The following TTC7A variants were observed in gnomAD, a reference collection of about 807,000 sequenced individuals.
TTC7A encodes the protein tetratricopeptide repeat domain 7A.
TTC7A carries 110 observed loss-of-function variants against 103.7 expected under a neutral mutation model. That is an observed-to-expected ratio of 1.06 (90% CI 0.91 to 1.24). The LOEUF (loss-of-function observed/expected upper bound fraction) is 1.24. Among genes scored for constraint, TTC7A ranks in the 50% most tolerant of loss-of-function variants. TTC7A has a pLI of 0.00. For missense variants in TTC7A, 1,340 were observed against 1,116.3 expected (o/e 1.20, Z -2.86); for synonymous variants, 521 against 467.9 (o/e 1.11, Z -1.47).
Position 47,075,821 on chromosome 2 carries a change from G to A in TTC7A, c.*1898G>A, listed in dbSNP as rs898892626. The A allele has an allele frequency of 2.6e-5, 4 of 152,420 alleles. No homozygotes were observed. The highest frequency in any genetic ancestry group is 9.6e-5 in the African/African-American group (4 of 41,458). The allele number at this position is 152,420 out of a possible 1,614,324, so 9.4% of individuals were successfully genotyped here. On this transcript the variant is annotated 3_prime_UTR_variant, in exon 20 of 20. Coordinates refer to ENST00000319190, the MANE Select transcript of TTC7A (RefSeq NM_020458.4). The stretch of plus-strand genomic sequence containing the variant: ...GGTAGGAGGAGGCAAGAGGGGTCCA[G>A]GCAGGGCTGATCCTGGCCTCTGACC...
In TTC7A at chr2:46,997,659, T is replaced by C. The variant is rs1468891895; in HGVS notation, c.1065+2460T>C. 2.0e-5 allele frequency among the ~76,000 whole-genome samples: 3 copies of C among 152,164 alleles called. 1 individual carries two copies. Among genetic ancestry groups the C allele is most frequent in the Non-Finnish European group, 4.4e-5 (3 of 68,024 alleles). ...ACGCAGGGCTCCTGGACTTCCATCC[T>C]GGTACTTCCCTTGCCCACTGCTCTA... On this transcript the variant is annotated intron_variant, in intron 8 of 19. Coordinates refer to ENST00000319190, the MANE Select transcript of TTC7A (RefSeq NM_020458.4).
intron 8 of TTC7A, among the ~76,000 whole-genome samples, chr2:46,995,602 T>A (rs1166180939): frequency 6.6e-6 from 1 of 152,200 alleles, no homozygotes; most frequent in African/African-American, 2.4e-5. Context: ...AAGCATGGAA[T>A]CAGGTTCCAG....
upstream of TTC7A, among the ~76,000 whole-genome samples, chr2:46,938,271 GAC>G (rs1489746727): frequency 1.2e-4 from 19 of 152,206 alleles, no homozygotes; most frequent in East Asian, 7.7e-4. Context: ...AAACGTAAAG[GAC>G]AACCTTACAA....
rs1029733941 is a variant in TTC7A at position 47,073,913 on chromosome 2, G to C, written c.2567G>C (p.Arg856Thr). 1 of 1,611,602 alleles carries C rather than the reference G, an allele frequency of 6.2e-7. No homozygotes were observed. The highest frequency in any genetic ancestry group is 8.5e-7 in the Non-Finnish European group (1 of 1,179,324). Residue 856 changes from arginine to threonine, a missense_variant, in exon 20 of 20, where the codon AGA becomes ACA. Coordinates refer to ENST00000319190, the MANE Select transcript of TTC7A (RefSeq NM_020458.4). ...SPVLPFSIIP[R>T]EL is the part of the protein sequence containing the mutation. ...GTACTGCCCTTCTCCATCATCCCCA[G>C]AGAGCTCTGACGACGCTGCAGCCGC...
chr2:47,010,528 G>A (rs7570810), intron 10 of TTC7A, among the ~76,000 whole-genome samples: 24,009 of 143,388 alleles, frequency 0.17, 2,259 homozygotes, highest in African/African-American at 0.25. Context: ...ACACTTGGCC[G>A]TCCTCAGCAG....
chr2:47,045,530 T>G (rs1398585329), intron 15 of TTC7A: 1 of 152,232 alleles, frequency 6.6e-6, no homozygotes, highest in Non-Finnish European at 1.5e-5. Context: ...GACTTTAGGT[T>G]TTCAGGTCGA....
At chr2:46,965,446 G>C (rs1672750034) in intron 3 of TTC7A, among the ~76,000 whole-genome samples, 1 of 152,210 alleles carries the variant, frequency 6.6e-6, no homozygotes, top group Admixed American at 6.5e-5. Context: ...CTTCCAGATG[G>C]AGAAGGAGGA....
chr2:46,961,209 T>C (rs946692029), intron 3 of TTC7A, among the ~76,000 whole-genome samples: 3 of 152,168 alleles, frequency 2.0e-5, no homozygotes, highest in Non-Finnish European at 4.4e-5. Flanking sequence ...GACAGATATA[T>C]ATTCAGATGA....
chr2:47,051,825 G>A lies in TTC7A; in HGVS notation c.2097G>A (p.Leu699=), dbSNP rs746097698. 6 of 1,612,242 alleles carry A rather than the reference G, an allele frequency of 3.7e-6. No homozygotes were observed. The Admixed American group carries it at 5.0e-5, about 13-fold the overall frequency. Residue 699 remains leucine, a synonymous_variant, in exon 18 of 20, where the codon CTG becomes CTA. Coordinates refer to ENST00000319190, the MANE Select transcript of TTC7A (RefSeq NM_020458.4). ...MSELTMPSSV[L]KQGPMQLWTT... ...AGCTGACTATGCCCTCTTCGGTCCTGAAGCAGGGCCCCATGCAGCTGTGGA... is the reference window on the plus strand; with the variant it reads ...AGCTGACTATGCCCTCTTCGGTCCTAAAGCAGGGCCCCATGCAGCTGTGGA...
At chr2:46,964,587 G>T (rs1162369702) in intron 3 of TTC7A, among the ~76,000 whole-genome samples, 1 of 152,174 alleles carries the variant, frequency 6.6e-6, no homozygotes, top group East Asian at 1.9e-4. Flanking sequence ...GGAGCTGAGG[G>T]GTCTGGGCCC....
At chr2:46,916,282 C>A (rs1668784804) in exon 1 of TTC7A, 1 of 644,356 alleles carries the variant, frequency 1.6e-6, no homozygotes. Context: ...GGCCTTGGAC[C>A]CTACGTTTCA....
intron 14 of TTC7A, among the ~76,000 whole-genome samples, chr2:47,025,795 G>A (rs555953856): frequency 1.0e-3 from 155 of 152,080 alleles, no homozygotes; most frequent in Admixed American, 1.6e-3. Flanking sequence ...TCCACCTCTA[G>A]GCTGCGCCCC....
chr2:46,975,018 G>T lies in TTC7A; in HGVS notation c.563G>T (p.Arg188Leu), dbSNP rs147471840. ...CCCAACTCCATCGCCTCCCGCTTCC[G>T]CCTGACAGAGAGGGAGGAGGAAGTG... is the stretch of plus-strand genomic sequence containing the variant. ...RLPNSIASRF[R>L]LTEREEEVIT... Residue 188 changes from arginine (R) to leucine (L), a missense_variant, in exon 4 of 20, where the codon CGC (arginine) becomes CTC (leucine). Arg to Leu is a moderately radical substitution (Grantham distance 102). Coordinates refer to ENST00000319190, the MANE Select transcript of TTC7A (RefSeq NM_020458.4). The T allele has an allele frequency of 1.4e-3, 2,233 of 1,614,032 alleles. 38 individuals are homozygous for T. The South Asian group carries it at 0.022, about 16-fold the overall frequency.
Position 47,074,063 on chromosome 2 carries a change from C to T in TTC7A, c.*140C>T. The T allele has an allele frequency of 1.5e-6, 1 of 657,928 alleles. No individual in the cohort carries two copies. Among genetic ancestry groups the T allele is most frequent in the South Asian group, 1.9e-5 (1 of 51,880 alleles). 40.8% of individuals were successfully genotyped at this position (657,928 alleles called of 1,614,324 possible). A position where few individuals can be genotyped will look rare whatever the true frequency, so the allele number is the denominator to read the frequency against. On this transcript the variant is annotated 3_prime_UTR_variant, in exon 20 of 20. Coordinates refer to ENST00000319190, the MANE Select transcript of TTC7A (RefSeq NM_020458.4). ...TAGTGAACGCCTCTGCAGCTGCAGC[C>T]CTCGTTCTCTTGGCTGGGCCAAGAG... is the stretch of plus-strand genomic sequence containing the variant.
intron 8 of TTC7A, among the ~76,000 whole-genome samples, chr2:47,005,066 C>T (rs1572881022): frequency 6.6e-6 from 1 of 152,218 alleles, no homozygotes; most frequent in Non-Finnish European, 1.5e-5. Flanking sequence ...CTACCGCCAC[C>T]CCCAGCAGCC....
chr2:47,009,676 C>T (rs759325770), intron 10 of TTC7A, among the ~76,000 whole-genome samples: 1 of 152,034 alleles, frequency 6.6e-6, no homozygotes, highest in Admixed American at 6.6e-5. Context: ...CCTCCGTTTC[C>T]TTCTGTACCT....
intron 11 of TTC7A, among the ~76,000 whole-genome samples, chr2:47,018,014 C>G (rs892014288): frequency 2.6e-5 from 4 of 152,158 alleles, no homozygotes; most frequent in Admixed American, 6.5e-5. Flanking sequence ...CAGTGGCTCA[C>G]TCCTGTAATC....
At chr2:46,992,651 C>T (rs904635454) in intron 5 of TTC7A, among the ~76,000 whole-genome samples, 11 of 152,316 alleles carry the variant, frequency 7.2e-5, no homozygotes, top group Middle Eastern at 3.4e-3. Flanking sequence ...AGGTGACCTT[C>T]CTGCATCCAC....
intron 12 of TTC7A, among the ~76,000 whole-genome samples, chr2:47,022,207 G>A (rs1679370768): frequency 1.3e-5 from 2 of 152,030 alleles, no homozygotes; most frequent in East Asian, 3.9e-4. Flanking sequence ...CCACCCTCAA[G>A]CATGCCTTCC....
Sources: gnomAD v4.1 joint callset for allele counts (sites outside exome capture counted in the v4.1 genomes callset) on GRCh38, gnomAD v4.1.1 for gene constraint, MANE v1.5 for transcripts, NCBI Gene and HGNC (gene_info 2026-07-23, HGNC 2026-07-21) for gene names.